Variants in NR2F1-AS1 observed in about 807,000 individuals in gnomAD.
The protein encoded by NR2F1-AS1 is NR2F1 antisense RNA 1.
At chr5:93,456,522 AAGTTAATCTATAGAT>A (rs1749949847) in intron 4 of NR2F1-AS1, among the ~76,000 whole-genome samples, 1 of 152,184 alleles carries the variant, frequency 6.6e-6, no homozygotes, top group Non-Finnish European at 1.5e-5. Context: ...AATTATCCTC[AAGTTAATCTATAGAT>A]TTGATACCAT....
At chr5:93,498,787 T>C (rs1229466122) in intron 4 of NR2F1-AS1, among the ~76,000 whole-genome samples, 7 of 152,154 alleles carry the variant, frequency 4.6e-5, no homozygotes, top group Non-Finnish European at 7.4e-5. Context: ...ATAAAGGCTC[T>C]TCAGAGGCTG....
intron 4 of NR2F1-AS1, among the ~76,000 whole-genome samples, chr5:93,502,679 T>C (rs1447827265): frequency 6.6e-6 from 1 of 152,100 alleles, no homozygotes; most frequent in East Asian, 1.9e-4. Flanking sequence ...AGGAGAGCAG[T>C]TTTTTTGCCA....
rs536378190 is a variant in NR2F1-AS1, at chr5:93,414,260, T to A, written n.639-18718A>T. On this transcript the variant is annotated intron_variant and non_coding_transcript_variant, in intron 4 of 5. Transcript: ENST00000660523. The stretch of plus-strand genomic sequence containing the variant: ...CTTTGAAACAATGTTTTTGTTAGCA[T>A]GTAACTCAGAATGACACTGCCCCTA... Among the ~76,000 whole-genome samples the A allele has an allele frequency of 4.6e-5, 7 of 152,314 alleles. No homozygotes were observed. In the South Asian group the frequency reaches 1.4e-3, roughly 32 times the overall value.
At chr5:93,445,365 A>G (rs1313401388) in intron 4 of NR2F1-AS1, among the ~76,000 whole-genome samples, 1 of 152,212 alleles carries the variant, frequency 6.6e-6, no homozygotes, top group Non-Finnish European at 1.5e-5. Context: ...TAAAGGGGGT[A>G]TCACCACCGA....
intron 1 of NR2F1-AS1, among the ~76,000 whole-genome samples, chr5:93,572,392 G>A (rs1401302580): frequency 6.6e-6 from 1 of 152,228 alleles, no homozygotes; most frequent in Non-Finnish European, 1.5e-5. Context: ...CCCACGTAGG[G>A]GAAGGGCTCA....
At chr5:93,545,336 T>C (rs1752058302) in intron 4 of NR2F1-AS1, among the ~76,000 whole-genome samples, 1 of 152,308 alleles carries the variant, frequency 6.6e-6, no homozygotes, top group East Asian at 1.9e-4. Flanking sequence ...AAAGTACTGG[T>C]GACCTACCCC....
At chr5:93,433,667 T>A (rs1249605701) in intron 4 of NR2F1-AS1, among the ~76,000 whole-genome samples, 1 of 152,194 alleles carries the variant, frequency 6.6e-6, no homozygotes, top group Non-Finnish European at 1.5e-5. Flanking sequence ...TGGCCTGAAG[T>A]AGGATGCTTT....
At chr5:93,413,696 A>T (rs775859337) in intron 4 of NR2F1-AS1, among the ~76,000 whole-genome samples, 3 of 152,092 alleles carry the variant, frequency 2.0e-5, no homozygotes, top group Non-Finnish European at 4.4e-5. Flanking sequence ...GTGGGCAAGG[A>T]TCTGAATGCA....
chr5:93,550,845 A>T (rs1426056416), intron 4 of NR2F1-AS1, among the ~76,000 whole-genome samples: 1 of 152,240 alleles, frequency 6.6e-6, no homozygotes, highest in East Asian at 1.9e-4. Context: ...ACTATCAACC[A>T]GGAAAAATGA....
chr5:93,424,796 G>C (rs1395221353), intron 4 of NR2F1-AS1, among the ~76,000 whole-genome samples: 1 of 152,134 alleles, frequency 6.6e-6, no homozygotes, highest in African/African-American at 2.4e-5. Context: ...TTAAAAGTTT[G>C]CTTTAAAAAT....
intron 4 of NR2F1-AS1, among the ~76,000 whole-genome samples, chr5:93,506,255 ATTGTTCAT>A (rs1751183430): frequency 6.6e-6 from 1 of 152,120 alleles, no homozygotes; most frequent in African/African-American, 2.4e-5. Context: ...TCTGGACCTT[ATTGTTCAT>A]ATCACTATCA....
At chr5:93,546,428 A>G (rs894313343) in intron 4 of NR2F1-AS1, among the ~76,000 whole-genome samples, 6 of 152,192 alleles carry the variant, frequency 3.9e-5, no homozygotes, top group Non-Finnish European at 8.8e-5. Flanking sequence ...TGCAATTATC[A>G]TAAGATTTAT....
rs1175666082 is a variant in NR2F1-AS1 at position 93,434,093 on chromosome 5, T to C, written n.639-38551A>G. Among the ~76,000 whole-genome samples, 6 of 152,192 alleles carry C rather than the reference T, an allele frequency of 3.9e-5. No homozygotes were observed. In the East Asian group the frequency reaches 1.2e-3, roughly 29 times the overall value. On this transcript the variant is annotated intron_variant and non_coding_transcript_variant, in intron 4 of 5. Transcript: ENST00000660523. Reference sequence around the variant, plus strand: ...CATTAGCAATATTTAAAAGGACAAGTAGTCTCTTCTTACAGCTAATGAAAC... The same window carrying C: ...CATTAGCAATATTTAAAAGGACAAGCAGTCTCTTCTTACAGCTAATGAAAC...
chr5:93,444,744 T>C (rs1278969224), intron 4 of NR2F1-AS1, among the ~76,000 whole-genome samples: 1 of 152,172 alleles, frequency 6.6e-6, no homozygotes, highest in Non-Finnish European at 1.5e-5. Flanking sequence ...CAACAGAATA[T>C]ACATTCTTCT....
chr5:93,440,902 C>T (rs1749554996), intron 4 of NR2F1-AS1, among the ~76,000 whole-genome samples: 2 of 152,182 alleles, frequency 1.3e-5, no homozygotes, highest in Admixed American at 6.5e-5. Flanking sequence ...GGCCTGTATA[C>T]AGCAACAATG....
intron 2 of NR2F1-AS1, among the ~76,000 whole-genome samples, chr5:93,557,630 T>C (rs1752389956): frequency 6.6e-6 from 1 of 152,238 alleles, no homozygotes; most frequent in South Asian, 2.1e-4. Flanking sequence ...GTAATCTTTT[T>C]GCTAGTGGAG....
At chr5:93,500,253 A>G (rs1002736443) in intron 4 of NR2F1-AS1, among the ~76,000 whole-genome samples, 2 of 152,238 alleles carry the variant, frequency 1.3e-5, no homozygotes, top group Non-Finnish European at 2.9e-5. Flanking sequence ...TTCAAAGGAC[A>G]GGCTGACTCT....
intron 4 of NR2F1-AS1, among the ~76,000 whole-genome samples, chr5:93,540,744 A>AAC (rs1176275456): frequency 6.6e-6 from 1 of 152,196 alleles, no homozygotes; most frequent in Non-Finnish European, 1.5e-5. Context: ...AAAAATTTAA[A>AAC]ACACACACAC....
intron 4 of NR2F1-AS1, among the ~76,000 whole-genome samples, chr5:93,502,337 G>A (rs1751098109): frequency 6.6e-6 from 1 of 152,140 alleles, no homozygotes. Context: ...ACAGAGAAAT[G>A]CTAGAAAACA....
Sources: gnomAD v4.1 joint callset for allele counts (sites outside exome capture counted in the v4.1 genomes callset) on GRCh38, gnomAD v4.1.1 for gene constraint, MANE v1.5 for transcripts, NCBI Gene and HGNC (gene_info 2026-07-23, HGNC 2026-07-21) for gene names.